The following LRRC9 variants were observed in gnomAD, a reference collection of about 807,000 sequenced individuals.
LRRC9 encodes leucine rich repeat containing 9.
A neutral mutation model predicts 63.2 loss-of-function variants in LRRC9; 122 were observed. That is an observed-to-expected ratio of 1.93 (90% confidence interval 1.67 to 2.24). The LOEUF is 2.24. Among genes scored for constraint, LRRC9 ranks in the 30% most tolerant of loss-of-function variants. LRRC9 has a pLI of 0.00. For synonymous variants in LRRC9, 366 were observed against 213.1 expected (o/e 1.72, Z -6.25); for missense variants, 1,071 against 627.7 (o/e 1.71, Z -7.55).
intron 29 of LRRC9, among the ~76,000 whole-genome samples, chr14:60,041,655 A>T (rs1892954318): frequency 6.6e-6 from 1 of 151,932 alleles, no homozygotes. Context: ...ATCCTTTTTC[A>T]AGGTTTTTAG....
chr14:59,970,770 A>C (rs1173973689), intron 12 of LRRC9, among the ~76,000 whole-genome samples: 1 of 151,710 alleles, frequency 6.6e-6, no homozygotes, highest in African/African-American at 2.4e-5. Context: ...CCCACTTTTT[A>C]ATGGGGTGAT....
intron 12 of LRRC9, among the ~76,000 whole-genome samples, chr14:59,971,984 G>A (rs150516152): frequency 1.6e-3 from 241 of 152,170 alleles, no homozygotes; most frequent in African/African-American, 5.1e-3. Context: ...CAGTAGCTTC[G>A]CATTACATGT....
chr14:59,944,500 A>G, intron 7 of LRRC9, 89 bp from the exon 8 acceptor site: 1 of 453,470 alleles, frequency 2.2e-6, no homozygotes. Flanking sequence ...AAATTGTTAT[A>G]TAGAACATAC....
At chr14:59,999,634 A>C (rs1473328053) in intron 19 of LRRC9, among the ~76,000 whole-genome samples, 1 of 152,100 alleles carries the variant, frequency 6.6e-6, no homozygotes, top group African/African-American at 2.4e-5. Context: ...AAGGAACAAA[A>C]TCCATTAACA....
In LRRC9 at chr14:60,003,641, T is replaced by C. The variant is rs1478122009; in HGVS notation, c.2685T>C (p.Asp895=). 4 of 681,554 alleles carry C rather than the reference T, an allele frequency of 5.9e-6. No homozygotes were observed. The highest frequency in any genetic ancestry group is 2.4e-4 in the Middle Eastern group (1 of 4,226). The allele number at this position is 681,554 out of a possible 1,614,324, so 42.2% of individuals were successfully genotyped here. The change falls in exon 21 of 32, where the codon GAT becomes GAC. Residue 895 remains aspartate (D), a synonymous_variant. Transcript: ENST00000445360. This position sits in a 1 kb window ranked among gnomAD's most constrained non-coding sequence, Gnocchi z 4.2. ...TACAGATAACTGCCTTAAATTTAGATGGACAACATCTTTTTGAAATCACAA... is the reference window on the plus strand; with the variant it reads ...TACAGATAACTGCCTTAAATTTAGACGGACAACATCTTTTTGAAATCACAA...
chr14:60,058,226 CT>C lies in LRRC9; in HGVS notation c.4276+205del, dbSNP rs1397127044. On this transcript the variant is annotated intron_variant, in intron 31 of 31. Coordinates refer to ENST00000445360, the Ensembl canonical transcript of LRRC9. This position sits in a 1 kb window ranked among gnomAD's most constrained non-coding sequence, Gnocchi z 4.4. ...TAGTTTTATTATAGCTTTTTTTGTA[CT>C]CAGCTACTAGCATGTTGTGACTAAA... 1.3e-5 allele frequency among the ~76,000 whole-genome samples: 2 copies of C among 151,852 alleles called. No individual in the cohort carries two copies. The highest frequency in any genetic ancestry group is 4.8e-5 in the African/African-American group (2 of 41,346).
chr14:59,951,681 G>A (rs551672465), intron 8 of LRRC9, among the ~76,000 whole-genome samples: 2 of 148,788 alleles, frequency 1.3e-5, no homozygotes, highest in Admixed American at 1.3e-4. Context: ...TTTTCGGTGT[G>A]GATGTCCTTT....
chr14:59,967,291 A>G, intron 12 of LRRC9, 78 bp downstream of exon 12: 1 of 498,562 alleles, frequency 2.0e-6, no homozygotes, highest in South Asian at 3.6e-5. Context: ...ATGATTTCCC[A>G]ATCCTTTTAT....
intron 12 of LRRC9, among the ~76,000 whole-genome samples, chr14:59,972,683 C>G (rs1258416251): frequency 6.6e-6 from 1 of 152,092 alleles, no homozygotes; most frequent in Admixed American, 6.6e-5. Flanking sequence ...AACAACTCCT[C>G]TTCTATTTTA....
rs1358356064 is a variant in LRRC9, at chr14:59,964,836, G to C, written c.1212-1753G>C. ...ATCTGTCTCCTCTACCAGACTGCGA[G>C]CTCCTCTGGGATTAGTTTGGTTTAG... On this transcript the variant is annotated intron_variant, in intron 10 of 31. Coordinates refer to ENST00000445360, the Ensembl canonical transcript of LRRC9. The surrounding 1 kb of genome is among the most constrained non-coding windows in gnomAD (Gnocchi z 4.4). Among the ~76,000 whole-genome samples, 5 of 147,714 alleles carry C rather than the reference G, an allele frequency of 3.4e-5. No homozygotes were observed. The highest frequency in any genetic ancestry group is 1.2e-4 in the African/African-American group (5 of 40,690).
chr14:59,997,959 C>A (rs1469631500), intron 18 of LRRC9, 112 bp downstream of exon 18: 10 of 563,298 alleles, frequency 1.8e-5, no homozygotes, highest in Non-Finnish European at 3.1e-5. Flanking sequence ...CTTCGTTTTT[C>A]TAGACTTCCT....
intron 23 of LRRC9, among the ~76,000 whole-genome samples, chr14:60,013,513 A>G (rs373723758): frequency 3.9e-5 from 6 of 152,194 alleles, no homozygotes; most frequent in African/African-American, 1.4e-4. Flanking sequence ...AATTATGTCT[A>G]CAAAATTCTT....
At chr14:60,046,611 T>C (rs1893444420) in intron 29 of LRRC9, among the ~76,000 whole-genome samples, 1 of 152,206 alleles carries the variant, frequency 6.6e-6, no homozygotes, top group Non-Finnish European at 1.5e-5. Flanking sequence ...CTGAGTTCTC[T>C]ATTCTATTCC....
chr14:59,928,512 T>C, intron 3 of LRRC9, 26 bp downstream of exon 3: 1 of 588,770 alleles, frequency 1.7e-6, no homozygotes, highest in South Asian at 2.3e-5. Context: ...AAACCTCACA[T>C]GGAGTATTTT....
intron 8 of LRRC9, among the ~76,000 whole-genome samples, chr14:59,949,163 A>G (rs1334745257): frequency 2.7e-5 from 4 of 145,704 alleles, no homozygotes; most frequent in African/African-American, 1.0e-4. Context: ...TTGGTAAACT[A>G]TTGATTATTG....
At chr14:59,980,189 T>C (rs1007176574) in intron 15 of LRRC9, among the ~76,000 whole-genome samples, 6 of 152,294 alleles carry the variant, frequency 3.9e-5, no homozygotes, top group Admixed American at 1.3e-4. Flanking sequence ...AATTGTTTTA[T>C]GGTGTGTGAG....
chr14:59,995,294 G>A (rs1888640018), intron 17 of LRRC9, among the ~76,000 whole-genome samples: 1 of 152,190 alleles, frequency 6.6e-6, no homozygotes, highest in Admixed American at 6.5e-5. Context: ...TCTGAAAATA[G>A]CTCCACCATA....
At chr14:59,929,196 A>G (rs552577592) in intron 3 of LRRC9, among the ~76,000 whole-genome samples, 2 of 152,272 alleles carry the variant, frequency 1.3e-5, no homozygotes, top group South Asian at 2.1e-4. Context: ...AATACCCAGC[A>G]TCTATAAGGA....
chr14:60,023,713 G>A (rs1388112682), intron 27 of LRRC9, among the ~76,000 whole-genome samples: 2 of 151,978 alleles, frequency 1.3e-5, no homozygotes, highest in Non-Finnish European at 2.9e-5. Context: ...TGTTACATAG[G>A]TATACATGTG....
Sources: allele counts gnomAD v4.1 joint callset (sites outside exome capture counted in the v4.1 genomes callset), GRCh38; gene constraint gnomAD v4.1.1; non-coding constraint Gnocchi (gnomAD v3.1); transcripts MANE v1.5; gene names NCBI Gene and HGNC (gene_info 2026-07-23, HGNC 2026-07-21).